IRAK1BP1: variants seen among roughly 807,000 people sequenced by gnomAD.
IRAK1BP1 encodes the protein interleukin-1 receptor-associated kinase 1-binding protein 1.
Under a neutral mutation model 28.0 loss-of-function variants are expected in IRAK1BP1, and 24 were observed. The observed-to-expected ratio is 0.86, with a 90% CI of 0.62 to 1.20. The LOEUF is 1.20. Among genes scored for constraint, IRAK1BP1 ranks in the 50% most tolerant of loss-of-function variants. The pLI is 0.00. For synonymous variants in IRAK1BP1, 131 were observed against 116.3 expected (o/e 1.13, Z -0.81); for missense variants, 336 against 316.7 (o/e 1.06, Z -0.46).
intron 1 of IRAK1BP1, chr6:78,871,900 G>T: frequency 1.9e-6 from 1 of 528,924 alleles, no homozygotes; most frequent in Non-Finnish European, 3.3e-6. Flanking sequence ...GTGCATGCAG[G>T]CCCAGCTTCC....
the IRAK1BP1 span, chr6:78,958,366 T>G: frequency 1.4e-6 from 1 of 702,092 alleles, no homozygotes; most frequent in Admixed American, 2.7e-5. Context: ...CTATTTTGGC[T>G]ACTCTTAAAT....
At chr6:78,962,965 A>G in the IRAK1BP1 span, 6 of 681,920 alleles carry the variant, frequency 8.8e-6, no homozygotes, top group Middle Eastern at 2.6e-4. Context: ...TCAAAAAGAG[A>G]TTCCACTTAA....
chr6:78,967,530 T>G, the IRAK1BP1 span, among the ~76,000 whole-genome samples: 1 of 152,202 alleles, frequency 6.6e-6, no homozygotes, highest in Non-Finnish European at 1.5e-5. Context: ...CTTAATACAT[T>G]TCCGAGGAGG....
intron 4 of IRAK1BP1, among the ~76,000 whole-genome samples, chr6:78,921,303 A>G (rs558781089): frequency 2.2e-4 from 34 of 152,332 alleles, no homozygotes; most frequent in Middle Eastern, 6.8e-3. Context: ...GGAGGCTCCA[A>G]TGCTCATGAA....
chr6:78,882,984 T>C (rs1771283900), intron 1 of IRAK1BP1, among the ~76,000 whole-genome samples: 2 of 152,144 alleles, frequency 1.3e-5, no homozygotes, highest in South Asian at 4.1e-4. Context: ...AGGCCAAGTG[T>C]GATGTCTCAT....
intron 1 of IRAK1BP1, among the ~76,000 whole-genome samples, chr6:78,868,877 C>T (rs1264215577): frequency 6.6e-6 from 1 of 152,070 alleles, no homozygotes; most frequent in African/African-American, 2.4e-5. Context: ...GTAACTTATC[C>T]AGGATGACAT....
intron 2 of IRAK1BP1, among the ~76,000 whole-genome samples, chr6:78,892,817 T>C (rs1156689799): frequency 6.6e-6 from 1 of 152,056 alleles, no homozygotes; most frequent in Non-Finnish European, 1.5e-5. Context: ...AAATTAGACC[T>C]TACACAAGAC....
intron 4 of IRAK1BP1, among the ~76,000 whole-genome samples, chr6:78,933,487 C>T (rs12660770): frequency 0.45 from 68,236 of 151,848 alleles, 15,994 homozygotes; most frequent in East Asian, 0.69. Context: ...TGGTGGCAGG[C>T]GCCTGTAATC....
chr6:78,978,696 C>G, the IRAK1BP1 span: 1 of 1,596,256 alleles, frequency 6.3e-7, no homozygotes, highest in Non-Finnish European at 8.6e-7. Context: ...TCAGTTAGTT[C>G]TCCCACAGCC....
At chr6:78,940,555 T>TTTTTTGTTTGTTTTG in intron 4 of IRAK1BP1, 1 of 176,842 alleles carries the variant, frequency 5.7e-6, no homozygotes, top group South Asian at 2.3e-4. Context: ...TTTGTTTTTT[T>TTTTTTGTTTGTTTTG]TTTTTTTTTT....
Position 78,895,299 on chromosome 6 carries a change from A to G in IRAK1BP1, c.382-2530A>G, listed in dbSNP as rs1771839911. Among the ~76,000 whole-genome samples the G allele has an allele frequency of 3.3e-5, 5 of 152,152 alleles. No homozygotes were observed. The South Asian group carries it at 1.0e-3, about 31-fold the overall frequency. ...AAACTAGAAAGTGTATAAGGAAGAA[A>G]TCATGCCAATTCTATACAAATTTTT... On this transcript the variant is annotated intron_variant, in intron 2 of 3. Transcript: ENST00000369940.
the IRAK1BP1 span, among the ~76,000 whole-genome samples, chr6:78,976,138 C>T: frequency 6.7e-6 from 1 of 150,050 alleles, no homozygotes; most frequent in South Asian, 2.1e-4. Context: ...TACAAGGCTA[C>T]AGTAACCAAA....
downstream of IRAK1BP1, among the ~76,000 whole-genome samples, chr6:78,950,328 G>A (rs1190651096): frequency 1.3e-5 from 2 of 151,984 alleles, no homozygotes; most frequent in Non-Finnish European, 2.9e-5. Context: ...TACTCTTATT[G>A]TCTGGTTTTG....
chr6:78,885,314 T>A, intron 1 of IRAK1BP1, 64 bp from the exon 2 acceptor site: 1 of 906,178 alleles, frequency 1.1e-6, no homozygotes, highest in Non-Finnish European at 1.8e-6. Context: ...GGTTTCTAAT[T>A]TATGTTTTAG....
chr6:78,895,932 A>G (rs985313955), intron 2 of IRAK1BP1, among the ~76,000 whole-genome samples: 1 of 152,232 alleles, frequency 6.6e-6, no homozygotes, highest in Non-Finnish European at 1.5e-5. Flanking sequence ...TAATTCATGG[A>G]CAACATGACC....
chr6:78,878,302 C>T (rs1428462950), intron 1 of IRAK1BP1, among the ~76,000 whole-genome samples: 2 of 152,268 alleles, frequency 1.3e-5, no homozygotes, highest in East Asian at 1.9e-4. Flanking sequence ...ACGAAGCTTC[C>T]AGAGGAAAGA....
chr6:78,976,192 A>G, the IRAK1BP1 span, among the ~76,000 whole-genome samples: 16 of 149,642 alleles, frequency 1.1e-4, 1 homozygote, highest in Non-Finnish European at 1.9e-4. Flanking sequence ...GATCAATGGA[A>G]CAGAACAGAG....
At chr6:78,905,311 C>T (rs1420026439), downstream of IRAK1BP1, among the ~76,000 whole-genome samples, 1 of 152,116 alleles carries the variant, frequency 6.6e-6, no homozygotes, top group Non-Finnish European at 1.5e-5. Flanking sequence ...GCAACAGCCA[C>T]CTAAATAACT....
At position 78,898,514 on chromosome 6, in the gene IRAK1BP1, T is replaced by C. The variant is rs537751713; in HGVS notation, c.*180T>C. Reference sequence around the variant, plus strand: ...TGAATATAGTCCCACAGAATACTTATGTTCACTTTCTATTTTTAAAAGACT... The same window carrying C: ...TGAATATAGTCCCACAGAATACTTACGTTCACTTTCTATTTTTAAAAGACT... On this transcript the variant is annotated 3_prime_UTR_variant, in exon 4 of 4. Coordinates refer to ENST00000369940, the MANE Select transcript of IRAK1BP1 (RefSeq NM_001010844.4). 834 of 151,148 alleles carry C rather than the reference T, an allele frequency of 5.5e-3. 13 individuals are homozygous for C. The highest frequency in any genetic ancestry group is 0.02 in the African/African-American group (795 of 39,990). 9.4% of individuals were successfully genotyped at this position (151,148 alleles called of 1,614,324 possible).
Sources: allele counts gnomAD v4.1 joint callset (sites outside exome capture counted in the v4.1 genomes callset), GRCh38; gene constraint gnomAD v4.1.1; transcripts MANE v1.5; gene names NCBI Gene and HGNC (gene_info 2026-07-23, HGNC 2026-07-21).